KIF16B: variants seen among roughly 807,000 people sequenced by gnomAD.
KIF16B encodes the protein kinesin-like protein KIF16B.
Under a neutral mutation model 156.3 loss-of-function variants are expected in KIF16B, and 98 were observed. The ratio of observed to expected loss-of-function variants is 0.63; its 90% CI spans 0.53 to 0.74. The LOEUF (loss-of-function observed/expected upper bound fraction) is 0.74. Among genes scored for constraint, KIF16B ranks in the 30% least tolerant of loss-of-function variants. The pLI is 0.00. For missense variants in KIF16B, 1,421 were observed against 1,606.5 expected, an observed-to-expected ratio of 0.88 and a Z score of 1.97; for synonymous variants, 564 against 583.7, an observed-to-expected ratio of 0.97 and a Z score of 0.49.
At chr20:16,520,825 G>C (rs141193988) in intron 3 of KIF16B, among the ~76,000 whole-genome samples, 2,107 of 152,270 alleles carry the variant, frequency 0.014, 53 homozygotes, top group African/African-American at 0.049. Flanking sequence ...AAAGCTTCCA[G>C]AGGAAGGAAC....
intron 22 of KIF16B, among the ~76,000 whole-genome samples, chr20:16,366,497 G>A (rs1395184236): frequency 1.3e-5 from 2 of 152,168 alleles, no homozygotes. Context: ...CACCAAGTGA[G>A]GAGCTGAAAT....
chr20:16,436,997 C>G (rs895420700), intron 12 of KIF16B, among the ~76,000 whole-genome samples: 3 of 152,124 alleles, frequency 2.0e-5, no homozygotes, highest in Admixed American at 6.6e-5. Flanking sequence ...AAGTCTCTCA[C>G]GTAAAATGGC....
intron 12 of KIF16B, among the ~76,000 whole-genome samples, chr20:16,483,111 T>C (rs1329503246): frequency 1.3e-5 from 2 of 152,164 alleles, no homozygotes; most frequent in African/African-American, 4.8e-5. Context: ...CTCCTTGAAT[T>C]TGGGTAATGC....
chr20:16,554,114 G>A (rs2070762328), intron 1 of KIF16B, among the ~76,000 whole-genome samples: 1 of 152,180 alleles, frequency 6.6e-6, no homozygotes, highest in South Asian at 2.1e-4. Flanking sequence ...GAAGGAGGTG[G>A]GTCCTGGGTG....
At chr20:16,351,326 C>T (rs1313650181) in intron 23 of KIF16B, among the ~76,000 whole-genome samples, 3 of 152,184 alleles carry the variant, frequency 2.0e-5, no homozygotes, top group African/African-American at 7.2e-5. Flanking sequence ...TCTTAACCAT[C>T]AATTTCCCAG....
At chr20:16,401,183 C>A (rs914387303) in intron 17 of KIF16B, among the ~76,000 whole-genome samples, 3 of 152,160 alleles carry the variant, frequency 2.0e-5, no homozygotes, top group Non-Finnish European at 4.4e-5. Flanking sequence ...GAAGTCAGGT[C>A]AACAGGCTGC....
chr20:16,487,380 C>G (rs763425470), intron 12 of KIF16B, among the ~76,000 whole-genome samples: 22 of 152,112 alleles, frequency 1.4e-4, no homozygotes, highest in Non-Finnish European at 2.6e-4. Context: ...TCCAGAGGAC[C>G]GCAGGAAACT....
At chr20:16,359,670 A>C (rs991356197) in intron 22 of KIF16B, among the ~76,000 whole-genome samples, 13 of 152,058 alleles carry the variant, frequency 8.5e-5, no homozygotes, top group Non-Finnish European at 1.6e-4. Context: ...AAAAAAAAAA[A>C]AAAACCCTGC....
chr20:16,280,841 C>CGTGTGTGTGTGT (rs1555833614), intron 25 of KIF16B, among the ~76,000 whole-genome samples: 34 of 74,464 alleles, frequency 4.6e-4, no homozygotes, highest in African/African-American at 1.7e-3. Flanking sequence ...TGCGCGCGCA[C>CGTGTGTGTGTGT]GTGTGTGTGT....
At chr20:16,401,139 A>C (rs2065646368) in intron 17 of KIF16B, among the ~76,000 whole-genome samples, 1 of 152,216 alleles carries the variant, frequency 6.6e-6, no homozygotes, top group Non-Finnish European at 1.5e-5. Context: ...GTCAATGAAT[A>C]ATGCAAGGGG....
At chr20:16,307,230 C>T (rs2063554122) in intron 25 of KIF16B, among the ~76,000 whole-genome samples, 2 of 152,000 alleles carry the variant, frequency 1.3e-5, no homozygotes, top group Non-Finnish European at 2.9e-5. Context: ...TATAGTTACT[C>T]CTTGAAATGA....
At chr20:16,439,845 T>A (rs1003954582) in intron 12 of KIF16B, among the ~76,000 whole-genome samples, 1 of 152,106 alleles carries the variant, frequency 6.6e-6, no homozygotes, top group Admixed American at 6.5e-5. Context: ...TTCGCTATCA[T>A]GAGAACAGCA....
chr20:16,299,083 C>A (rs530889076), intron 25 of KIF16B, among the ~76,000 whole-genome samples: 2 of 152,020 alleles, frequency 1.3e-5, no homozygotes, highest in African/African-American at 4.8e-5. Flanking sequence ...GAATTTGGAG[C>A]GTGTGTGTCT....
At chr20:16,372,283 T>C (rs973745355) in intron 20 of KIF16B, among the ~76,000 whole-genome samples, 4 of 152,186 alleles carry the variant, frequency 2.6e-5, no homozygotes, top group African/African-American at 9.7e-5. Context: ...TTGAACAGCG[T>C]CTAGCACACT....
chr20:16,311,713 G>C (rs1448334543), intron 25 of KIF16B, among the ~76,000 whole-genome samples: 1 of 152,286 alleles, frequency 6.6e-6, no homozygotes, highest in Admixed American at 6.5e-5. Context: ...TTAGTGAAAA[G>C]ACTCAGCCTC....
At chr20:16,493,156 G>C (rs1007130551) in intron 12 of KIF16B, among the ~76,000 whole-genome samples, 4 of 152,164 alleles carry the variant, frequency 2.6e-5, no homozygotes, top group African/African-American at 9.7e-5. Context: ...ACCCTCACTT[G>C]TTGCAGTACA....
chr20:16,413,105 G>A (rs2066000311), intron 15 of KIF16B, among the ~76,000 whole-genome samples: 1 of 152,042 alleles, frequency 6.6e-6, no homozygotes. Context: ...TTGGTCTGAG[G>A]TCAGTGTGAT....
intron 12 of KIF16B, among the ~76,000 whole-genome samples, chr20:16,458,341 A>C (rs922606867): frequency 2.0e-5 from 3 of 152,250 alleles, no homozygotes; most frequent in African/African-American, 7.2e-5. Context: ...CCTCTTGATT[A>C]CTTGCCTTTG....
At chr20:16,274,438 A>G (rs1432880415) in intron 25 of KIF16B, among the ~76,000 whole-genome samples, 1 of 152,180 alleles carries the variant, frequency 6.6e-6, no homozygotes, top group Non-Finnish European at 1.5e-5. Context: ...TGTTCAAGGA[A>G]AAGAGGGCAC....
Sources: allele counts gnomAD v4.1 joint callset (sites outside exome capture counted in the v4.1 genomes callset), GRCh38; gene constraint gnomAD v4.1.1; transcripts MANE v1.5; gene names NCBI Gene and HGNC (gene_info 2026-07-23, HGNC 2026-07-21).